The following FANCI variants were observed in gnomAD, a reference collection of about 807,000 sequenced individuals.
FANCI encodes the protein Fanconi anemia group I protein.
Under a neutral mutation model 176.1 loss-of-function variants are expected in FANCI, and 156 were observed. That is an observed-to-expected ratio of 0.89 (90% CI 0.78 to 1.01). FANCI has a LOEUF of 1.01. Ranked by LOEUF, FANCI falls within the 50% of genes least tolerant of loss-of-function variation. FANCI has a pLI of 0.00. For synonymous variants in FANCI, 613 were observed against 541.7 expected (o/e 1.13, Z -1.83); for missense variants, 1,678 against 1,534.1 (o/e 1.09, Z -1.57).
chr15:89,303,731 C>T (rs2054608830), intron 27 of FANCI, 133 bp from the exon 28 acceptor site: 7 of 697,952 alleles, frequency 1.0e-5, no homozygotes, highest in Non-Finnish European at 1.3e-5. Flanking sequence ...CATATATTAC[C>T]ACTTGAGATC....
At chr15:89,271,283 G>A (rs1375645067) in intron 10 of FANCI, among the ~76,000 whole-genome samples, 1 of 151,882 alleles carries the variant, frequency 6.6e-6, no homozygotes, top group Admixed American at 6.6e-5. Flanking sequence ...TTATCACCCT[G>A]TAAGATCTTT....
At chr15:89,283,360 A>G (rs1043514900) in intron 17 of FANCI, 110 bp downstream of exon 17, 4 of 1,512,498 alleles carry the variant, frequency 2.6e-6, no homozygotes, top group Non-Finnish European at 3.6e-6. Flanking sequence ...TGATCCTAGA[A>G]CTAAAGAGTC....
intron 12 of FANCI, among the ~76,000 whole-genome samples, chr15:89,275,339 T>C (rs2053371076): frequency 6.6e-6 from 1 of 152,198 alleles, no homozygotes; most frequent in African/African-American, 2.4e-5. Context: ...TTTAGAGAAA[T>C]TCATTTAAAA....
At chr15:89,282,617 C>A (rs969339663) in intron 16 of FANCI, 7 of 181,584 alleles carry the variant, frequency 3.9e-5, no homozygotes, top group African/African-American at 1.4e-4. Context: ...GTTTTTGTTA[C>A]TCCTCACCCA....
At chr15:89,282,114 C>T (rs2053637346) in intron 16 of FANCI, 1 of 414,278 alleles carries the variant, frequency 2.4e-6, no homozygotes, top group African/African-American at 2.0e-5. Context: ...AAAAGTAAAA[C>T]AGTAGTTGGT....
At chr15:89,305,292 A>AG in intron 29 of FANCI, 49 bp from the exon 30 acceptor site, 1 of 1,614,194 alleles carries the variant, frequency 6.2e-7, no homozygotes, top group South Asian at 1.1e-5. Flanking sequence ...ATGGGGGTCA[A>AG]GGGAACAACC....
intron 17 of FANCI, among the ~76,000 whole-genome samples, chr15:89,283,545 A>G (rs1375099471): frequency 6.6e-6 from 1 of 152,200 alleles, no homozygotes; most frequent in East Asian, 1.9e-4. Flanking sequence ...GTGTTGTGCT[A>G]TACATGCAAA....
Position 89,261,713 on chromosome 15 carries a change from G to A in FANCI, c.417G>A (p.Thr139=), listed in dbSNP as rs776382823. Residue 139 remains threonine (T), a synonymous_variant, in exon 5 of 38, where the codon ACG becomes ACA. Transcript: ENST00000310775. The part of the protein sequence containing the change: ...LLPIILTALA[T]KKENLAYGKG... ...CTATCATTCTCACTGCCCTGGCTACGAAAAAGGAAAATCTGGCTTATGGAA... is the reference window on the plus strand; with the variant it reads ...CTATCATTCTCACTGCCCTGGCTACAAAAAAGGAAAATCTGGCTTATGGAA... 16 of 1,613,950 alleles carry A rather than the reference G, an allele frequency of 9.9e-6. No individual in the cohort carries two copies. In the East Asian group the frequency reaches 1.3e-4, roughly 13 times the overall value.
At chr15:89,275,439 T>G (rs1469335517) in intron 12 of FANCI, among the ~76,000 whole-genome samples, 1 of 152,190 alleles carries the variant, frequency 6.6e-6, no homozygotes, top group Non-Finnish European at 1.5e-5. Context: ...TATGTCATGC[T>G]TTCACTGTGT....
At chr15:89,255,364 G>T (rs966849906) in intron 2 of FANCI, among the ~76,000 whole-genome samples, 1 of 152,236 alleles carries the variant, frequency 6.6e-6, no homozygotes, top group African/African-American at 2.4e-5. Context: ...TGGTAACAGT[G>T]GTTTCTGCTG....
Position 89,316,387 on chromosome 15 carries a change from C to T in FANCI, c.3925-10C>T, listed in dbSNP as rs1308242761. 1.2e-6 allele frequency: 2 copies of T among 1,607,564 alleles called. No homozygotes were observed. Among genetic ancestry groups the T allele is most frequent in the African/African-American group, 2.7e-5 (2 of 74,636 alleles). On this transcript the variant is annotated splice_polypyrimidine_tract_variant and intron_variant, in intron 37 of 37. Transcript: ENST00000310775. ...TATCACGTTAGAGCATTAATTCTTT[C>T]CCCTTCTAGGGCACTGCATCAGAGC...
At position 89,294,905 on chromosome 15, in the gene FANCI, C is replaced by A; in HGVS notation, c.2457-10C>A. The A allele has an allele frequency of 6.5e-7, 1 of 1,549,846 alleles. No individual in the cohort carries two copies. Among genetic ancestry groups the A allele is most frequent in the Non-Finnish European group, 8.7e-7 (1 of 1,146,458 alleles). On this transcript the variant is annotated splice_polypyrimidine_tract_variant and intron_variant, in intron 23 of 37. Coordinates refer to ENST00000310775, the MANE Select transcript of FANCI (RefSeq NM_001113378.2). ...TTCCTTTTTCTTTCTCTCTCTCTGT[C>A]TCTCTCTAGGGATAGTATCCAAAGC...
intron 23 of FANCI, among the ~76,000 whole-genome samples, chr15:89,294,371 G>A (rs1234449085): frequency 1.3e-5 from 2 of 152,014 alleles, no homozygotes; most frequent in Non-Finnish European, 2.9e-5. Context: ...GATCACCTGA[G>A]GTCAAAAGTT....
intron 12 of FANCI, among the ~76,000 whole-genome samples, chr15:89,275,657 G>T (rs940951414): frequency 6.6e-6 from 1 of 152,074 alleles, no homozygotes; most frequent in South Asian, 2.1e-4. Context: ...TTTTCCTGAG[G>T]TTTATACTTG....
chr15:89,316,821 G>A lies in FANCI; in HGVS notation c.*362G>A, dbSNP rs199751339. On this transcript the variant is annotated 3_prime_UTR_variant, in exon 38 of 38. Coordinates refer to ENST00000310775, the MANE Select transcript of FANCI (RefSeq NM_001113378.2). The stretch of plus-strand genomic sequence containing the variant: ...TTCAATTATCTGGTAAATATCCAGC[G>A]CTTCACCTGAAAGATAGTGCAAATT... 137 of 1,612,804 alleles carry A rather than the reference G, an allele frequency of 8.5e-5. No homozygotes were observed. The East Asian group carries it at 1.2e-3, about 14-fold the overall frequency.
chr15:89,263,331 T>A, intron 6 of FANCI, 88 bp from the exon 7 acceptor site: 4 of 1,043,296 alleles, frequency 3.8e-6, no homozygotes, highest in Non-Finnish European at 6.0e-6. Context: ...AAACTTGAAT[T>A]GGCCCTGTTT....
rs192239922 is a variant in FANCI at position 89,298,098 on chromosome 15, C to A, written c.2637-1702C>A. ...AAACAGAAAACAAAACAAAAAAAAA[C>A]CAGTAGATAGAAAATCTACTGAAAG... On this transcript the variant is annotated intron_variant, in intron 24 of 37. Transcript: ENST00000310775. Among the ~76,000 whole-genome samples the A allele has an allele frequency of 2.4e-3, 361 of 151,880 alleles. 8 individuals are homozygous for A. The highest frequency in any genetic ancestry group is 0.015 in the East Asian group (77 of 5,168).
chr15:89,249,038 A>G (rs1286973909), intron 2 of FANCI, among the ~76,000 whole-genome samples: 1 of 152,158 alleles, frequency 6.6e-6, no homozygotes, highest in Non-Finnish European at 1.5e-5. Flanking sequence ...AACAAACTTT[A>G]TATCTGTTAA....
intron 2 of FANCI, among the ~76,000 whole-genome samples, chr15:89,254,767 G>A (rs2052421919): frequency 1.3e-5 from 2 of 152,324 alleles, no homozygotes; most frequent in South Asian, 4.1e-4. Flanking sequence ...AGCTATGACT[G>A]TGCCACTGCA....
Sources: allele counts gnomAD v4.1 joint callset (sites outside exome capture counted in the v4.1 genomes callset), GRCh38; gene constraint gnomAD v4.1.1; transcripts MANE v1.5; gene names NCBI Gene and HGNC (gene_info 2026-07-23, HGNC 2026-07-21).